Variants in SLCO1A2 observed in about 807,000 individuals in gnomAD.
SLCO1A2 encodes solute carrier organic anion transporter family member 1A2.
A neutral mutation model predicts 69.0 loss-of-function variants in SLCO1A2; 67 were observed. That is an observed-to-expected ratio of 0.97 (90% CI 0.80 to 1.19). SLCO1A2 has a LOEUF of 1.19. Ranked by LOEUF, SLCO1A2 falls within the 50% of genes most tolerant of loss-of-function variation. The probability of loss-of-function intolerance (pLI) is 0.00; values close to 1 mark genes in which losing one functional copy is unlikely to be tolerated. For synonymous variants in SLCO1A2, 260 were observed against 265.9 expected, an observed-to-expected ratio of 0.98 and a Z score of 0.22; for missense variants, 787 against 793.7, an observed-to-expected ratio of 0.99 and a Z score of 0.10.
rs530598058 is a variant in SLCO1A2, at chr12:21,297,249, C to CTCTT, written c.1075+151_1075+154dup. The stretch of plus-strand genomic sequence containing the variant: ...TCCTTCCTTCTTTCTTTCTTTCTTT[C>CTCTT]TCTTTCTTTCTTTCTTTCTTGAGAT... On this transcript the variant is annotated intron_variant, in intron 9 of 14. Coordinates refer to ENST00000683939, the MANE Select transcript of SLCO1A2 (RefSeq NM_001386879.1). 2.5e-3 allele frequency among the ~76,000 whole-genome samples: 361 copies of CTCTT among 144,490 alleles called. 2 individuals carry two copies. Among genetic ancestry groups the CTCTT allele is most frequent in the African/African-American group, 8.4e-3 (317 of 37,904 alleles). The allele number at this position is 144,490 out of a possible 152,430, so 94.8% of individuals were successfully genotyped here. A position where few individuals can be genotyped will look rare whatever the true frequency, so the allele number is the denominator to read the frequency against.
intron 2 of SLCO1A2, among the ~76,000 whole-genome samples, chr12:21,353,661 G>A (rs1249865042): frequency 6.6e-6 from 1 of 152,070 alleles, no homozygotes; most frequent in African/African-American, 2.4e-5. Flanking sequence ...TCCAATCCCT[G>A]TTTCCAATGC....
intron 2 of SLCO1A2, among the ~76,000 whole-genome samples, chr12:21,345,539 A>G (rs575813710): frequency 6.6e-6 from 1 of 152,304 alleles, no homozygotes; most frequent in East Asian, 1.9e-4. Context: ...TTCTAGGAAT[A>G]GGATTACAGT....
At chr12:21,319,110 T>C (rs1172266142) in intron 2 of SLCO1A2, among the ~76,000 whole-genome samples, 187 bp from the exon 3 acceptor site, 1 of 152,204 alleles carries the variant, frequency 6.6e-6, no homozygotes, top group Non-Finnish European at 1.5e-5. Context: ...CTCTGAAAAC[T>C]CAAAGTGAGA....
chr12:21,298,798 C>T (rs1591810422), intron 8 of SLCO1A2, among the ~76,000 whole-genome samples: 2 of 152,072 alleles, frequency 1.3e-5, no homozygotes, highest in African/African-American at 4.8e-5. Flanking sequence ...CAGTCCATAA[C>T]AATCCTTTAA....
chr12:21,310,056 A>G (rs1005101697), intron 4 of SLCO1A2, among the ~76,000 whole-genome samples: 2 of 152,234 alleles, frequency 1.3e-5, no homozygotes, highest in African/African-American at 4.8e-5. Flanking sequence ...AAAAAGTTAT[A>G]TAAGTAAAGA....
At chr12:21,294,180 C>A (rs1330144537) in intron 10 of SLCO1A2, 70 bp from the exon 11 acceptor site, 2 of 1,213,768 alleles carry the variant, frequency 1.6e-6, no homozygotes, top group African/African-American at 1.6e-5. Context: ...CTTTTCATCT[C>A]AATCCCCAGT....
intron 2 of SLCO1A2, among the ~76,000 whole-genome samples, chr12:21,349,702 CTG>C (rs1937776136): frequency 6.6e-6 from 1 of 152,160 alleles, no homozygotes; most frequent in East Asian, 1.9e-4. Flanking sequence ...ACTAACCAAA[CTG>C]TTTTCTTCTG....
chr12:21,306,112 T>C (rs910534432), intron 5 of SLCO1A2, among the ~76,000 whole-genome samples: 1 of 152,166 alleles, frequency 6.6e-6, no homozygotes, highest in African/African-American at 2.4e-5. Flanking sequence ...CCTAAGTCAA[T>C]AGAAAGGGAA....
chr12:21,416,612 CTT>C (rs964323127), intron 1 of SLCO1A2, among the ~76,000 whole-genome samples: 1 of 146,796 alleles, frequency 6.8e-6, no homozygotes, highest in African/African-American at 2.5e-5. Context: ...TCTTGTTTAA[CTT>C]TTTTTTTTTA....
At chr12:21,386,780 C>CAT (rs1940904246) in intron 1 of SLCO1A2, among the ~76,000 whole-genome samples, 3 of 151,816 alleles carry the variant, frequency 2.0e-5, no homozygotes, top group Non-Finnish European at 4.4e-5. Flanking sequence ...GTGGAAGCAA[C>CAT]TTTGGAACTG....
intron 12 of SLCO1A2, among the ~76,000 whole-genome samples, chr12:21,282,034 A>C (rs908070844): frequency 6.6e-6 from 1 of 152,076 alleles, no homozygotes. Context: ...AACTATTCTG[A>C]AAAACAGAAG....
chr12:21,309,461 C>T (rs76078660), intron 4 of SLCO1A2, among the ~76,000 whole-genome samples: 2 of 152,090 alleles, frequency 1.3e-5, no homozygotes, highest in African/African-American at 2.4e-5. Flanking sequence ...GAGATTAGAA[C>T]GGCATAGGAT....
At chr12:21,286,965 C>A (rs1174948004) in intron 12 of SLCO1A2, among the ~76,000 whole-genome samples, 2 of 150,176 alleles carry the variant, frequency 1.3e-5, no homozygotes, top group African/African-American at 4.9e-5. Flanking sequence ...GACTTCATGT[C>A]CAAAACACCA....
In SLCO1A2 at chr12:21,306,909, T is replaced by A. The variant is rs377760292; in HGVS notation, c.415A>T (p.Ile139Phe). 6.2e-7 allele frequency: 1 copy of A among 1,613,884 alleles called. No homozygotes were observed. Residue 139 changes from isoleucine (I) to phenylalanine (F), a missense_variant, in exon 5 of 15, where the codon ATT (isoleucine) becomes TTT (phenylalanine). Physicochemically the swap from Ile to Phe is conservative, Grantham distance 21. Coordinates refer to ENST00000683939, the MANE Select transcript of SLCO1A2 (RefSeq NM_001386879.1). ...GATGGATCCTGCGTTGGTCTTAAAA[T>A]CTGGGTTCCATTTTCCATACACAAG... ...SFLCMENGTQ[I>F]LRPTQDPSEC...
chr12:21,299,379 AT>A (rs1948220595), intron 8 of SLCO1A2, among the ~76,000 whole-genome samples: 1 of 152,164 alleles, frequency 6.6e-6, no homozygotes, highest in Non-Finnish European at 1.5e-5. Context: ...ACCAAAAAAA[AT>A]GTTACATGCA....
chr12:21,365,417 A>C (rs1039472195), intron 2 of SLCO1A2, among the ~76,000 whole-genome samples: 4 of 152,206 alleles, frequency 2.6e-5, no homozygotes, highest in African/African-American at 9.6e-5. Context: ...TAAAGACTTA[A>C]ATGTTATACC....
At chr12:21,391,158 A>C (rs1346018043) in intron 1 of SLCO1A2, among the ~76,000 whole-genome samples, 4 of 152,204 alleles carry the variant, frequency 2.6e-5, no homozygotes, top group Non-Finnish European at 4.4e-5. Flanking sequence ...TTCATACTGA[A>C]TTTAGATATT....
chr12:21,342,521 A>G (rs189210698), intron 2 of SLCO1A2, among the ~76,000 whole-genome samples: 4 of 152,108 alleles, frequency 2.6e-5, no homozygotes, highest in East Asian at 1.9e-4. Context: ...GTAAACTCCA[A>G]TCTACAAATA....
At chr12:21,280,749 T>C (rs1944653205) in intron 12 of SLCO1A2, among the ~76,000 whole-genome samples, 1 of 150,652 alleles carries the variant, frequency 6.6e-6, no homozygotes, top group South Asian at 2.1e-4. Flanking sequence ...ATGAACCTAA[T>C]AAATACTTAC....
Sources: gnomAD v4.1 joint callset for allele counts (sites outside exome capture counted in the v4.1 genomes callset) on GRCh38, gnomAD v4.1.1 for gene constraint, MANE v1.5 for transcripts, NCBI Gene and HGNC (gene_info 2026-07-23, HGNC 2026-07-21) for gene names.